MAML2: variants seen among roughly 807,000 people sequenced by gnomAD.
MAML2 encodes mastermind-like protein 2.
A neutral mutation model predicts 96.1 loss-of-function variants in MAML2; 22 were observed. The observed-to-expected ratio is 0.23, with a 90% confidence interval of 0.16 to 0.33. The LOEUF is 0.33. Among genes scored for constraint, MAML2 ranks in the 10% least tolerant of loss-of-function variants. MAML2 has a pLI of 1.00. For missense variants in MAML2, 1,367 were observed against 1,392.4 expected, an observed-to-expected ratio of 0.98 and a Z score of 0.29; for synonymous variants, 561 against 521.3, an observed-to-expected ratio of 1.08 and a Z score of -1.04.
intron 2 of MAML2, among the ~76,000 whole-genome samples, chr11:96,076,171 C>T (rs1590996909): frequency 6.6e-6 from 1 of 152,134 alleles, no homozygotes; most frequent in Non-Finnish European, 1.5e-5. Context: ...AGCTGAGTCT[C>T]ACAGATGCTC....
At chr11:96,106,722 C>A (rs928417379) in intron 1 of MAML2, among the ~76,000 whole-genome samples, 1 of 152,168 alleles carries the variant, frequency 6.6e-6, no homozygotes, top group African/African-American at 2.4e-5. Context: ...CAATGCAGGA[C>A]AGATTTAAAC....
intron 1 of MAML2, among the ~76,000 whole-genome samples, chr11:96,331,343 A>G (rs1460269258): frequency 6.6e-6 from 1 of 152,200 alleles, no homozygotes; most frequent in Admixed American, 6.5e-5. Context: ...AAATATTAAT[A>G]AAAATACCAA....
intron 1 of MAML2, among the ~76,000 whole-genome samples, chr11:96,283,111 T>G (rs1449485500): frequency 6.6e-6 from 1 of 152,212 alleles, no homozygotes. Context: ...AAACTTTAAC[T>G]TTTGATCACT....
intron 2 of MAML2, among the ~76,000 whole-genome samples, chr11:96,068,823 CCTT>C (rs1859290479): frequency 1.4e-5 from 2 of 147,528 alleles, no homozygotes; most frequent in Non-Finnish European, 3.0e-5. Flanking sequence ...GAGCAAGACT[CCTT>C]CTCAAAAAAA....
In MAML2 at chr11:96,292,868, T is replaced by A. The variant is rs566927387; in HGVS notation, c.513+48515A>T. 2.6e-5 allele frequency among the ~76,000 whole-genome samples: 4 copies of A among 152,078 alleles called. No homozygotes were observed. In the South Asian group the frequency reaches 8.3e-4, roughly 32 times the overall value. On this transcript the variant is annotated intron_variant, in intron 1 of 4. Coordinates refer to ENST00000524717, the MANE Select transcript of MAML2 (RefSeq NM_032427.4). The stretch of plus-strand genomic sequence containing the variant: ...ACAAGGAGAGAAATAGGGAGCAAAG[T>A]CTAGCTGTCTCACAGAAGGCAGCCC...
intron 1 of MAML2, among the ~76,000 whole-genome samples, chr11:96,149,292 C>T (rs1860879325): frequency 6.6e-6 from 1 of 151,556 alleles, no homozygotes; most frequent in South Asian, 2.1e-4. Context: ...TAGCATACGC[C>T]TGTAATCTCA....
chr11:96,076,666 A>C (rs1859445280), intron 2 of MAML2, among the ~76,000 whole-genome samples: 1 of 152,118 alleles, frequency 6.6e-6, no homozygotes, highest in Non-Finnish European at 1.5e-5. Flanking sequence ...ACTACAGAAT[A>C]TGTACACTCA....
intron 1 of MAML2, among the ~76,000 whole-genome samples, chr11:96,169,499 G>A (rs1039920401): frequency 7.9e-5 from 12 of 152,210 alleles, no homozygotes; most frequent in Admixed American, 3.3e-4. Context: ...GAGGTCATCT[G>A]TAGGAAGTAA....
At chr11:96,182,558 CAACA>C (rs1286126973) in intron 1 of MAML2, among the ~76,000 whole-genome samples, 2 of 152,060 alleles carry the variant, frequency 1.3e-5, no homozygotes, top group African/African-American at 4.8e-5. Context: ...AGGTTAAATT[CAACA>C]AACATTAGCT....
chr11:96,029,694 C>A (rs554974146), intron 2 of MAML2, among the ~76,000 whole-genome samples: 3 of 152,184 alleles, frequency 2.0e-5, no homozygotes, highest in African/African-American at 7.2e-5. Context: ...GGACTGGAAA[C>A]TCCCACCATT....
rs1413659514 is a variant in MAML2, at chr11:96,224,518, T to C, written c.513+116865A>G. Among the ~76,000 whole-genome samples the C allele has an allele frequency of 2.0e-5, 3 of 152,102 alleles. No homozygotes were observed. In the East Asian group the frequency reaches 5.8e-4, roughly 29 times the overall value. ...AGGCCCAATTCAAGTTCTTCCAAGA[T>C]GTCTTCTCATCTTTCAATGTTAATT... On this transcript the variant is annotated intron_variant, in intron 1 of 4. Coordinates refer to ENST00000524717, the MANE Select transcript of MAML2 (RefSeq NM_032427.4).
chr11:96,242,393 G>T (rs1266853213), intron 1 of MAML2, among the ~76,000 whole-genome samples: 1 of 152,154 alleles, frequency 6.6e-6, no homozygotes, highest in African/African-American at 2.4e-5. Context: ...GAAATCATCA[G>T]ACTGAAAAAT....
chr11:96,165,425 AT>A (rs1861175916), intron 1 of MAML2, among the ~76,000 whole-genome samples: 1 of 152,228 alleles, frequency 6.6e-6, no homozygotes, highest in South Asian at 2.1e-4. Context: ...CCTTAACGTA[AT>A]TTTTTTAATG....
chr11:96,165,395 C>G (rs2135893874), intron 1 of MAML2, among the ~76,000 whole-genome samples: 1 of 152,186 alleles, frequency 6.6e-6, no homozygotes. Context: ...GGCAAACACA[C>G]TTTAAGAACC....
chr11:96,282,883 T>G (rs558560698), intron 1 of MAML2, among the ~76,000 whole-genome samples: 1 of 152,334 alleles, frequency 6.6e-6, no homozygotes, highest in African/African-American at 2.4e-5. Context: ...ACTTCAACCT[T>G]AATGTACACA....
intron 1 of MAML2, among the ~76,000 whole-genome samples, chr11:96,300,373 G>A (rs1203085904): frequency 1.3e-5 from 2 of 152,160 alleles, no homozygotes; most frequent in African/African-American, 4.8e-5. Flanking sequence ...AGACAGCTAC[G>A]ACAAAACATG....
chr11:96,020,046 G>T (rs1431915078), intron 2 of MAML2, among the ~76,000 whole-genome samples: 2 of 152,146 alleles, frequency 1.3e-5, no homozygotes, highest in Non-Finnish European at 2.9e-5. Context: ...TCTCTACATG[G>T]TCAATGTTGG....
intron 1 of MAML2, among the ~76,000 whole-genome samples, chr11:96,316,921 G>A (rs1479572971): frequency 1.3e-5 from 2 of 152,306 alleles, no homozygotes; most frequent in Non-Finnish European, 1.5e-5. Context: ...ATGGCACATA[G>A]AAGAGCAGAT....
At position 96,214,485 on chromosome 11, in the gene MAML2, C is replaced by A. The variant is rs150401337; in HGVS notation, c.514-120968G>T. Among the ~76,000 whole-genome samples the A allele has an allele frequency of 1.6e-3, 241 of 152,288 alleles. 2 individuals are homozygous for A. The highest frequency in any genetic ancestry group is 6.8e-3 in the Middle Eastern group (2 of 294). On this transcript the variant is annotated intron_variant, in intron 1 of 4. Transcript: ENST00000524717. ...TAATCTCTCTAGAACCTTTAGTTCT[C>A]ATTTCCTTTATTGCCTCCTATTCCT...
Sources: gnomAD v4.1 joint callset for allele counts (sites outside exome capture counted in the v4.1 genomes callset) on GRCh38, gnomAD v4.1.1 for gene constraint, MANE v1.5 for transcripts, NCBI Gene and HGNC (gene_info 2026-07-23, HGNC 2026-07-21) for gene names.